SLC71A2: variants seen among roughly 807,000 people sequenced by gnomAD.
SLC71A2 encodes hippocampus abundant transcript-like 1.
the SLC71A2 span, among the ~76,000 whole-genome samples, chr9:94,450,497 T>A: frequency 1.5e-5 from 2 of 135,610 alleles, no homozygotes. Flanking sequence ...ATGTAACTTT[T>A]TTTTTTTTTT....
At chr9:94,458,428 G>A in the SLC71A2 span, 1 of 1,614,008 alleles carries the variant, frequency 6.2e-7, no homozygotes, top group East Asian at 2.2e-5. Flanking sequence ...TGACTGAGTT[G>A]GGCCCGAAAT....
the SLC71A2 span, among the ~76,000 whole-genome samples, chr9:94,447,479 CTGTTT>C: frequency 2.3e-5 from 3 of 131,566 alleles, no homozygotes; most frequent in African/African-American, 6.3e-5. Flanking sequence ...TGTGCCCAGC[CTGTTT>C]TTTTTTTTTT....
chr9:94,446,654 T>G, the SLC71A2 span, among the ~76,000 whole-genome samples: 1 of 152,166 alleles, frequency 6.6e-6, no homozygotes, highest in African/African-American at 2.4e-5. Context: ...ACCTCTGAAA[T>G]TAAGACTTGT....
the SLC71A2 span, among the ~76,000 whole-genome samples, chr9:94,449,571 C>A: frequency 3.3e-5 from 5 of 152,174 alleles, no homozygotes; most frequent in Admixed American, 2.0e-4. Flanking sequence ...GGATGGCTAT[C>A]AAAAAGACAG....
chr9:94,392,003 C>T, the SLC71A2 span, among the ~76,000 whole-genome samples: 1 of 152,086 alleles, frequency 6.6e-6, no homozygotes, highest in Non-Finnish European at 1.5e-5. Flanking sequence ...CAGGCATGAA[C>T]CATTGCGCCT....
the SLC71A2 span, among the ~76,000 whole-genome samples, chr9:94,415,815 G>A: frequency 2.6e-5 from 4 of 152,146 alleles, no homozygotes; most frequent in Non-Finnish European, 5.9e-5. Context: ...CTGCTGCTCT[G>A]TGTGGCTGGG....
At chr9:94,448,717 C>CT in the SLC71A2 span, among the ~76,000 whole-genome samples, 1 of 152,208 alleles carries the variant, frequency 6.6e-6, no homozygotes, top group Non-Finnish European at 1.5e-5. Context: ...GCTGCAGCCT[C>CT]TGTCTCCTGG....
At chr9:94,438,445 T>G in the SLC71A2 span, 1 of 1,614,104 alleles carries the variant, frequency 6.2e-7, no homozygotes, top group Non-Finnish European at 8.5e-7. Flanking sequence ...GTGCCCTGTC[T>G]GATGTGTGGG....
the SLC71A2 span, among the ~76,000 whole-genome samples, chr9:94,382,304 G>A: frequency 6.6e-6 from 1 of 151,990 alleles, no homozygotes; most frequent in South Asian, 2.1e-4. Flanking sequence ...TGGGATTACA[G>A]GTGTGAGCCA....
the SLC71A2 span, among the ~76,000 whole-genome samples, chr9:94,410,424 G>A: frequency 6.6e-6 from 1 of 151,864 alleles, no homozygotes; most frequent in Non-Finnish European, 1.5e-5. Flanking sequence ...CCCCCTAAGA[G>A]ATGGGGTTCT....
At chr9:94,433,874 G>T in the SLC71A2 span, among the ~76,000 whole-genome samples, 8 of 152,040 alleles carry the variant, frequency 5.3e-5, no homozygotes, top group Non-Finnish European at 1.2e-4. Context: ...AAGAAACAAT[G>T]AATTCAAAAT....
the SLC71A2 span, among the ~76,000 whole-genome samples, chr9:94,416,653 G>A: frequency 6.6e-6 from 1 of 152,070 alleles, no homozygotes; most frequent in African/African-American, 2.4e-5. Context: ...TCGGGAGTTC[G>A]AGACCAGCCT....
At chr9:94,452,122 C>G in the SLC71A2 span, among the ~76,000 whole-genome samples, 1 of 152,290 alleles carries the variant, frequency 6.6e-6, no homozygotes, top group East Asian at 1.9e-4. Flanking sequence ...TGCTTTTACA[C>G]CAACCAAAAT....
the SLC71A2 span, among the ~76,000 whole-genome samples, chr9:94,409,213 C>T: frequency 1.6e-5 from 2 of 127,910 alleles, no homozygotes; most frequent in Non-Finnish European, 1.6e-5. Flanking sequence ...GATGATGGCT[C>T]ATTGCACCCT....
chr9:94,455,030 T>C, the SLC71A2 span, among the ~76,000 whole-genome samples: 2 of 152,122 alleles, frequency 1.3e-5, no homozygotes, highest in Non-Finnish European at 2.9e-5. Flanking sequence ...GGTCCTTACT[T>C]TGGACACAAA....
the SLC71A2 span, among the ~76,000 whole-genome samples, chr9:94,394,918 T>TTG: frequency 1.1e-5 from 1 of 87,682 alleles, no homozygotes; most frequent in African/African-American, 5.0e-5. Context: ...TTTTTTTGTT[T>TTG]TTTTTTTTTT....
the SLC71A2 span, chr9:94,458,291 G>A: frequency 1.0e-4 from 162 of 1,589,522 alleles, 1 homozygote; most frequent in South Asian, 1.7e-3. Context: ...TTTCTGAGAA[G>A]ACTGGCATTA....
the SLC71A2 span, among the ~76,000 whole-genome samples, chr9:94,448,819 GAC>G: frequency 6.6e-6 from 1 of 152,144 alleles, no homozygotes; most frequent in African/African-American, 2.4e-5. Context: ...TTTTAGTAGA[GAC>G]AGGGTTTTAC....
chr9:94,437,557 C>T, the SLC71A2 span, among the ~76,000 whole-genome samples: 1 of 152,188 alleles, frequency 6.6e-6, no homozygotes, highest in South Asian at 2.1e-4. Flanking sequence ...ACTCATCAGG[C>T]AGAGAGAACT....
Sources: gnomAD v4.1 joint callset for allele counts (sites outside exome capture counted in the v4.1 genomes callset) on GRCh38, gnomAD v4.1.1 for gene constraint, MANE v1.5 for transcripts, NCBI Gene and HGNC (gene_info 2026-07-23, HGNC 2026-07-21) for gene names.